Variants in LY9 observed in about 807,000 individuals in gnomAD.
LY9 encodes the protein lymphocyte antigen 9.
LY9 carries 59 observed loss-of-function variants against 64.6 expected under a neutral mutation model. That is an observed-to-expected ratio of 0.91 (90% CI 0.74 to 1.13). The LOEUF (loss-of-function observed/expected upper bound fraction) is 1.13. Ranked by LOEUF, LY9 falls within the 50% of genes most tolerant of loss-of-function variation. LY9 has a pLI of 0.00. For missense variants in LY9, 789 were observed against 797.2 expected (o/e 0.99, Z 0.12); for synonymous variants, 281 against 308.5 (o/e 0.91, Z 0.93).
chr1:160,796,774 C>T (rs926139379), intron 1 of LY9, among the ~76,000 whole-genome samples: 1 of 152,154 alleles, frequency 6.6e-6, no homozygotes, highest in Non-Finnish European at 1.5e-5. Context: ...AACATTCTAG[C>T]CCCGGTCTCA....
intron 2 of LY9, chr1:160,800,360 C>T: frequency 3.0e-6 from 1 of 337,928 alleles, no homozygotes; most frequent in East Asian, 5.6e-5. Context: ...CCACACTCAC[C>T]CTTCTCAGTC....
Position 160,827,836 on chromosome 1 carries a change from C to T in LY9, c.*20C>T. The stretch of plus-strand genomic sequence containing the variant: ...ACCTGAAAGGAAAAGCAGCTGCTGC[C>T]TCTCTCCTGGGACCGTGGGGTTGGA... On this transcript the variant is annotated 3_prime_UTR_variant, in exon 10 of 10. Coordinates refer to ENST00000263285, the MANE Select transcript of LY9 (RefSeq NM_002348.4). The T allele has an allele frequency of 6.2e-7, 1 of 1,602,834 alleles. No homozygotes were observed. The highest frequency in any genetic ancestry group is 2.3e-5 in the East Asian group (1 of 44,226).
intron 1 of LY9, 167 bp from the exon 2 acceptor site, chr1:160,799,586 G>A (rs1285777077): frequency 1.7e-6 from 1 of 574,534 alleles, no homozygotes; most frequent in East Asian, 2.8e-5. Flanking sequence ...GGGAATGGAG[G>A]AATTAATGAC....
intron 6 of LY9, among the ~76,000 whole-genome samples, chr1:160,818,732 G>A (rs1011843902): frequency 3.9e-5 from 6 of 152,048 alleles, no homozygotes; most frequent in East Asian, 3.9e-4. Flanking sequence ...GGGTGGGAGC[G>A]AGGGGAGGAG....
intron 9 of LY9, among the ~76,000 whole-genome samples, chr1:160,825,199 C>T (rs1668788035): frequency 6.7e-6 from 1 of 148,152 alleles, no homozygotes; most frequent in African/African-American, 2.5e-5. Flanking sequence ...CAGAGTGAGA[C>T]CATGTCTTAA....
At position 160,808,400 on chromosome 1, in the gene LY9, T is replaced by A. The variant is rs555856889; in HGVS notation, c.455-5236T>A. Among the ~76,000 whole-genome samples the A allele has an allele frequency of 7.2e-5, 11 of 152,308 alleles. 1 individual carries two copies. In the South Asian group the frequency reaches 2.1e-3, roughly 29 times the overall value. ...AAGGCTCAGTTTGAAAATGGTCCCTTACTATAACTGCAGAGGTCTCAGAAA... is the reference window on the plus strand; with the variant it reads ...AAGGCTCAGTTTGAAAATGGTCCCTAACTATAACTGCAGAGGTCTCAGAAA... On this transcript the variant is annotated intron_variant, in intron 2 of 9. Transcript: ENST00000263285.
At chr1:160,823,226 C>T (rs1668612356) in intron 7 of LY9, among the ~76,000 whole-genome samples, 1 of 152,130 alleles carries the variant, frequency 6.6e-6, no homozygotes, top group Non-Finnish European at 1.5e-5. Context: ...CAGAGAGTTG[C>T]TAAAGTCTAT....
chr1:160,816,538 G>T lies in LY9; in HGVS notation c.1073-56G>T. ...ATATATTTTCAATGAATGAAGACAG[G>T]TGACTGCTCAGGGGGCAGGCCTGAT... On this transcript the variant is annotated intron_variant, in intron 4 of 9. Transcript: ENST00000263285. 7 of 1,516,638 alleles carry T rather than the reference G, an allele frequency of 4.6e-6. No individual in the cohort carries two copies. In the Admixed American group the frequency reaches 1.4e-4, roughly 31 times the overall value. 93.9% of individuals were successfully genotyped at this position (1,516,638 alleles called of 1,614,324 possible).
At chr1:160,809,675 A>G (rs1667316314) in intron 2 of LY9, 1 of 151,770 alleles carries the variant, frequency 6.6e-6, no homozygotes, top group Non-Finnish European at 1.5e-5. Flanking sequence ...TACATTTTTA[A>G]TGTTGCTAGA....
intron 2 of LY9, among the ~76,000 whole-genome samples, chr1:160,800,789 G>T (rs537591462): frequency 3.3e-5 from 5 of 152,162 alleles, no homozygotes; most frequent in Admixed American, 3.3e-4. Context: ...AGGTGAGAAC[G>T]TGTGGTATTT....
At chr1:160,826,188 A>G (rs1214634348) in intron 9 of LY9, among the ~76,000 whole-genome samples, 1 of 152,238 alleles carries the variant, frequency 6.6e-6, no homozygotes, top group Non-Finnish European at 1.5e-5. Flanking sequence ...TAAAATATGT[A>G]TACTATTCAT....
intron 9 of LY9, 66 bp downstream of exon 9, chr1:160,824,315 T>A: frequency 3.8e-6 from 6 of 1,593,744 alleles, no homozygotes; most frequent in Non-Finnish European, 5.1e-6. Flanking sequence ...TTAGACCCTT[T>A]GAACTGAAAA....
chr1:160,827,721 A>G (rs1668933830), intron 9 of LY9, 27 bp from the exon 10 acceptor site: 2 of 1,581,504 alleles, frequency 1.3e-6, no homozygotes, highest in Non-Finnish European at 8.6e-7. Context: ...TATTAACCAT[A>G]TTCTTTTGTG....
chr1:160,809,333 T>TTTATTATTA (rs138398905), intron 2 of LY9, among the ~76,000 whole-genome samples: 2,475 of 140,218 alleles, frequency 0.018, 64 homozygotes, highest in African/African-American at 0.06. Context: ...AAATCCTGAA[T>TTTATTATTA]TTATTATTAT....
At chr1:160,814,396 G>C in intron 3 of LY9, 24 bp from the exon 4 acceptor site, 2 of 1,553,342 alleles carry the variant, frequency 1.3e-6, no homozygotes, top group Non-Finnish European at 8.8e-7. Context: ...GACTGAAGCT[G>C]CAATGTCTCA....
At chr1:160,797,136 G>T in intron 1 of LY9, 7 of 985,496 alleles carry the variant, frequency 7.1e-6, no homozygotes, top group Non-Finnish European at 8.4e-6. Flanking sequence ...ACATCTCTCC[G>T]CTGCATGGCC....
At position 160,814,761 on chromosome 1, in the gene LY9, C is replaced by T. The variant is rs145006796; in HGVS notation, c.1072C>T (p.Arg358Cys). 4.7e-5 allele frequency: 76 copies of T among 1,609,994 alleles called. No individual in the cohort carries two copies. The highest frequency in any genetic ancestry group is 1.5e-4 in the Admixed American group (9 of 59,486). The change falls in exon 4 of 10, where the codon CGC becomes TGC. Residue 358 changes from arginine (R) to cysteine (C), a missense_variant and splice_region_variant. Arg to Cys is a radical substitution (Grantham distance 180). Coordinates refer to ENST00000263285, the MANE Select transcript of LY9 (RefSeq NM_002348.4). ...SMTHVTLLIY[R>C]RLRKPKITWS... ...GACACATGTCACCCTGCTCATCTAC[C>T]GTGAGTCTCTGGGCAGGGCACCCAT...
At chr1:160,804,271 C>A (rs778824895) in intron 2 of LY9, among the ~76,000 whole-genome samples, 2 of 152,048 alleles carry the variant, frequency 1.3e-5, no homozygotes, top group Non-Finnish European at 2.9e-5. Flanking sequence ...TCCTTCTATG[C>A]CTAGTTTGTT....
intron 2 of LY9, among the ~76,000 whole-genome samples, chr1:160,805,782 C>CACAG (rs1666929756): frequency 6.9e-6 from 1 of 145,260 alleles, no homozygotes; most frequent in Non-Finnish European, 1.5e-5. Flanking sequence ...CACACACACA[C>CACAG]TCTTACTCTC....
Sources: allele counts gnomAD v4.1 joint callset (sites outside exome capture counted in the v4.1 genomes callset), GRCh38; gene constraint gnomAD v4.1.1; transcripts MANE v1.5; gene names NCBI Gene and HGNC (gene_info 2026-07-23, HGNC 2026-07-21).